MACROD2: variants seen among roughly 807,000 people sequenced by gnomAD.
MACROD2 encodes ADP-ribose glycohydrolase MACROD2.
In MACROD2, 36 loss-of-function variants were observed where a neutral mutation model predicts 70.4. The ratio of observed to expected loss-of-function variants is 0.51; its 90% CI spans 0.39 to 0.68. The LOEUF (loss-of-function observed/expected upper bound fraction) is 0.68, where lower values mean the gene tolerates loss of function less well. Among genes scored for constraint, MACROD2 ranks in the 30% least tolerant of loss-of-function variants. MACROD2 has a pLI of 0.00. For synonymous variants in MACROD2, 172 were observed against 178.8 expected, an observed-to-expected ratio of 0.96 and a Z score of 0.30; for missense variants, 496 against 538.4, an observed-to-expected ratio of 0.92 and a Z score of 0.78.
chr20:15,285,352 T>C (rs1374291897), intron 6 of MACROD2, among the ~76,000 whole-genome samples: 1 of 152,210 alleles, frequency 6.6e-6, no homozygotes. Context: ...AAGCTAGTTT[T>C]TTATCTATCT....
At chr20:14,180,755 C>T (rs1009359400) in intron 3 of MACROD2, among the ~76,000 whole-genome samples, 8 of 151,858 alleles carry the variant, frequency 5.3e-5, no homozygotes, top group Non-Finnish European at 1.5e-5. Context: ...ATAAAAGTGC[C>T]ACTTTGTTTA....
At chr20:14,756,644 C>G (rs2123745116) in intron 5 of MACROD2, among the ~76,000 whole-genome samples, 1 of 152,192 alleles carries the variant, frequency 6.6e-6, no homozygotes, top group Admixed American at 6.5e-5. Context: ...AGGCTTTAGA[C>G]TACTGCTCCT....
chr20:14,829,621 A>G lies in MACROD2; in HGVS notation c.418+144662A>G, dbSNP rs1243230958. Among the ~76,000 whole-genome samples, 3 of 151,930 alleles carry G rather than the reference A, an allele frequency of 2.0e-5. No homozygotes were observed. The South Asian group carries it at 6.2e-4, about 31-fold the overall frequency. On this transcript the variant is annotated intron_variant, in intron 5 of 17. Coordinates refer to ENST00000684519, the MANE Select transcript of MACROD2 (RefSeq NM_001351661.2). ...GAGCAGTACCATATTTAGAATGCGA[A>G]TATTAGTGCCTCCATAGTCTGACCT...
intron 5 of MACROD2, among the ~76,000 whole-genome samples, chr20:15,006,139 ATATGTGTGTGTGTGTGTGTG>A (rs1470344427): frequency 6.3e-5 from 6 of 95,018 alleles, no homozygotes; most frequent in Non-Finnish European, 1.4e-4. Context: ...TTATATATAT[ATATGTGTGTGTGTGTGTGTG>A]TGTGTGTGTG....
intron 7 of MACROD2, among the ~76,000 whole-genome samples, chr20:15,451,524 C>G (rs1371494021): frequency 6.6e-6 from 1 of 151,494 alleles, no homozygotes. Flanking sequence ...TCCAGTGTGC[C>G]CTGGAGCTGT....
chr20:15,046,036 A>C (rs952568680), intron 5 of MACROD2, among the ~76,000 whole-genome samples: 28 of 151,962 alleles, frequency 1.8e-4, no homozygotes, highest in Admixed American at 1.8e-3. Flanking sequence ...CCTTTCGGAG[A>C]TCATCTGTAC....
chr20:15,673,896 T>C (rs1013629030), intron 8 of MACROD2, among the ~76,000 whole-genome samples: 1 of 152,150 alleles, frequency 6.6e-6, no homozygotes, highest in Admixed American at 6.5e-5. Flanking sequence ...ACCATGGCTA[T>C]TGGGTATGAG....
intron 4 of MACROD2, among the ~76,000 whole-genome samples, chr20:14,508,289 T>C (rs1317013862): frequency 6.6e-6 from 1 of 152,224 alleles, no homozygotes; most frequent in Non-Finnish European, 1.5e-5. Flanking sequence ...TTCTCTTTTT[T>C]TCTCTTTTCC....
chr20:14,241,608 A>G (rs1040165601), intron 3 of MACROD2, among the ~76,000 whole-genome samples: 9 of 152,152 alleles, frequency 5.9e-5, no homozygotes, highest in Non-Finnish European at 1.0e-4. Flanking sequence ...TAGTAAAGGT[A>G]CATGGTGATA....
intron 4 of MACROD2, among the ~76,000 whole-genome samples, chr20:14,601,997 G>A (rs979603703): frequency 6.6e-6 from 1 of 152,086 alleles, no homozygotes; most frequent in African/African-American, 2.4e-5. Context: ...CCTCCTTGAC[G>A]CTCAAAGCTT....
chr20:15,703,951 C>A (rs1165566669), intron 8 of MACROD2, among the ~76,000 whole-genome samples: 2 of 152,258 alleles, frequency 1.3e-5, no homozygotes, highest in East Asian at 3.9e-4. Context: ...AGAAATCACA[C>A]TCTATTATTT....
At chr20:15,252,329 G>A (rs1872838124) in intron 6 of MACROD2, among the ~76,000 whole-genome samples, 1 of 152,178 alleles carries the variant, frequency 6.6e-6, no homozygotes, top group Non-Finnish European at 1.5e-5. Context: ...AAGTCATGCT[G>A]AAGTGGCAAG....
At chr20:15,789,190 A>G (rs988101369) in intron 8 of MACROD2, among the ~76,000 whole-genome samples, 1 of 152,286 alleles carries the variant, frequency 6.6e-6, no homozygotes, top group Middle Eastern at 3.4e-3. Flanking sequence ...CTACATGGTA[A>G]TGAGCCCTTA....
intron 3 of MACROD2, among the ~76,000 whole-genome samples, chr20:14,456,777 T>C (rs1047678339): frequency 1.5e-5 from 2 of 137,590 alleles, no homozygotes; most frequent in East Asian, 2.3e-4. Context: ...AGTGCAGTGG[T>C]GCGATCTCGG....
At chr20:15,553,390 A>G (rs1188024030) in intron 8 of MACROD2, among the ~76,000 whole-genome samples, 1 of 152,188 alleles carries the variant, frequency 6.6e-6, no homozygotes, top group African/African-American at 2.4e-5. Flanking sequence ...GTTTCTCAAC[A>G]TCTAGCACAA....
At chr20:15,400,799 T>C (rs1293018348) in intron 6 of MACROD2, among the ~76,000 whole-genome samples, 1 of 152,208 alleles carries the variant, frequency 6.6e-6, no homozygotes, top group African/African-American at 2.4e-5. Flanking sequence ...CATGAGAGCT[T>C]TGGTATTAAA....
At chr20:15,212,120 T>C (rs2076769246) in intron 5 of MACROD2, among the ~76,000 whole-genome samples, 1 of 152,224 alleles carries the variant, frequency 6.6e-6, no homozygotes, top group African/African-American at 2.4e-5. Flanking sequence ...TATTGAGCAC[T>C]ATTTCATGTA....
At chr20:15,626,074 C>G (rs1166009477) in intron 8 of MACROD2, among the ~76,000 whole-genome samples, 2 of 152,124 alleles carry the variant, frequency 1.3e-5, no homozygotes, top group Non-Finnish European at 2.9e-5. Context: ...TATGCTGCAC[C>G]TGCATTAACC....
chr20:14,653,072 A>G (rs1244453064), intron 4 of MACROD2, among the ~76,000 whole-genome samples: 1 of 152,104 alleles, frequency 6.6e-6, no homozygotes, highest in African/African-American at 2.4e-5. Context: ...AGGGCCATAT[A>G]ACTCATATCA....
Sources: gnomAD v4.1 joint callset for allele counts (sites outside exome capture counted in the v4.1 genomes callset) on GRCh38, gnomAD v4.1.1 for gene constraint, MANE v1.5 for transcripts, NCBI Gene and HGNC (gene_info 2026-07-23, HGNC 2026-07-21) for gene names.